Variants in C5 observed in about 807,000 individuals in gnomAD.
The protein encoded by C5 is complement C5.
A neutral mutation model predicts 218.8 loss-of-function variants in C5; 140 were observed. That is an observed-to-expected ratio of 0.64 (90% CI 0.56 to 0.74). C5 has a LOEUF of 0.74. Ranked by LOEUF, C5 falls within the 30% of genes least tolerant of loss-of-function variation. C5 has a pLI of 0.00. For missense variants in C5, 1,700 were observed against 1,969.6 expected (o/e 0.86, Z 2.59); for synonymous variants, 614 against 682.3 (o/e 0.90, Z 1.56).
intron 22 of C5, among the ~76,000 whole-genome samples, chr9:120,995,978 C>G (rs943047664): frequency 1.3e-5 from 2 of 151,942 alleles, no homozygotes; most frequent in African/African-American, 4.8e-5. Context: ...ACCACCATGC[C>G]CAGCTAATTT....
In C5 at chr9:120,997,690, A is replaced by G; in HGVS notation, c.2647T>C (p.Cys883Arg). The G allele has an allele frequency of 6.2e-7, 1 of 1,614,234 alleles. No homozygotes were observed. Among genetic ancestry groups the G allele is most frequent in the Non-Finnish European group, 8.5e-7 (1 of 1,180,038 alleles). The change falls in exon 21 of 41, where the codon TGT (cysteine) becomes CGT (arginine). Residue 883 changes from cysteine to arginine, a missense_variant. Transcript: ENST00000223642. ...GAGCCCTCTACTTTCTGGCGCACAC[A>G]TTTGGAGGACTTTGTGCCCTGATGA... The part of the protein sequence containing the change: ...IDHQGTKSSK[C>R]VRQKVEGSSS...
In C5 at chr9:121,016,402, T is replaced by G. The variant is rs756539050; in HGVS notation, c.1867-19A>C. ...GAAATACCTGTCCAGAAAGGCAAAA[T>G]GTTGAGCACATTGAGATGTATAAAT... is the stretch of plus-strand genomic sequence containing the variant. On this transcript the variant is annotated intron_variant, in intron 14 of 40. Coordinates refer to ENST00000223642, the MANE Select transcript of C5 (RefSeq NM_001735.3). The G allele has an allele frequency of 6.2e-7, 1 of 1,613,782 alleles. No individual in the cohort carries two copies.
chr9:121,009,425 G>C (rs996220540), intron 17 of C5, among the ~76,000 whole-genome samples: 6 of 152,236 alleles, frequency 3.9e-5, no homozygotes, highest in Admixed American at 3.9e-4. Context: ...TGATGATTTT[G>C]AAGACTTGTG....
intron 38 of C5, among the ~76,000 whole-genome samples, chr9:120,959,515 C>T (rs2046811019): frequency 1.3e-5 from 2 of 152,128 alleles, no homozygotes; most frequent in Admixed American, 6.5e-5. Context: ...CCCACCTCGG[C>T]CTCCCAAAGT....
At chr9:120,971,897 TA>T in intron 31 of C5, 32 bp downstream of exon 31, 1 of 1,523,712 alleles carries the variant, frequency 6.6e-7, no homozygotes, top group Non-Finnish European at 9.1e-7. Context: ...AATGGACACA[TA>T]ACTCGTTATT....
the C5 span, among the ~76,000 whole-genome samples, chr9:121,071,408 G>A: frequency 1.3e-5 from 2 of 151,856 alleles, no homozygotes; most frequent in Non-Finnish European, 2.9e-5. Flanking sequence ...AATCAGGCTG[G>A]GCATGCTGGC....
At chr9:121,038,467 A>G (rs943558285) in intron 3 of C5, among the ~76,000 whole-genome samples, 1 of 152,214 alleles carries the variant, frequency 6.6e-6, no homozygotes, top group African/African-American at 2.4e-5. Context: ...TTTGGATTAT[A>G]TGGTTTTGTT....
At chr9:121,064,335 A>G in the C5 span, among the ~76,000 whole-genome samples, 1 of 152,180 alleles carries the variant, frequency 6.6e-6, no homozygotes, top group Non-Finnish European at 1.5e-5. Context: ...AATACTTGTT[A>G]TAGCTCCAGA....
chr9:120,992,906 T>C (rs1201143177), intron 22 of C5, among the ~76,000 whole-genome samples: 2 of 152,162 alleles, frequency 1.3e-5, no homozygotes, highest in Admixed American at 6.5e-5. Context: ...TTCAAACCCA[T>C]GAAGGCTTGT....
chr9:121,007,768 T>C (rs2047227735), intron 18 of C5, among the ~76,000 whole-genome samples: 1 of 152,210 alleles, frequency 6.6e-6, no homozygotes, highest in Non-Finnish European at 1.5e-5. Context: ...TGGGGAGCAG[T>C]GGCCAGAAGG....
intron 20 of C5, chr9:120,999,558 C>T: frequency 1.0e-5 from 2 of 198,968 alleles, no homozygotes; most frequent in South Asian, 7.4e-5. Flanking sequence ...TAGCATCCAG[C>T]TAAGGCTAAA....
At chr9:120,959,834 A>G (rs1256445247) in intron 38 of C5, among the ~76,000 whole-genome samples, 2 of 152,188 alleles carry the variant, frequency 1.3e-5, no homozygotes, top group African/African-American at 4.8e-5. Flanking sequence ...TTTGGTATTT[A>G]TATTTTTACC....
chr9:120,970,117 T>A, intron 32 of C5, 53 bp downstream of exon 32: 1 of 1,220,086 alleles, frequency 8.2e-7, no homozygotes, highest in Non-Finnish European at 1.2e-6. Flanking sequence ...TCTCTATTTA[T>A]ACACATGCTT....
At chr9:121,070,728 T>C in the C5 span, among the ~76,000 whole-genome samples, 2 of 151,358 alleles carry the variant, frequency 1.3e-5, no homozygotes, top group Non-Finnish European at 2.9e-5. Flanking sequence ...TTGGGAAGGG[T>C]AGCAGGGGGA....
At chr9:120,988,768 C>T (rs2047053348) in intron 25 of C5, among the ~76,000 whole-genome samples, 1 of 152,042 alleles carries the variant, frequency 6.6e-6, no homozygotes, top group Admixed American at 6.6e-5. Flanking sequence ...AAGGGCTGAA[C>T]CCAGAAGACT....
intron 8 of C5, among the ~76,000 whole-genome samples, chr9:121,026,667 T>G (rs1046308044): frequency 1.3e-5 from 2 of 152,030 alleles, no homozygotes; most frequent in African/African-American, 4.8e-5. Flanking sequence ...AAATCACCCC[T>G]AGTTGAGAAC....
the C5 span, among the ~76,000 whole-genome samples, chr9:121,061,005 C>A: frequency 2.0e-5 from 3 of 152,018 alleles, no homozygotes; most frequent in Admixed American, 2.0e-4. Context: ...CTGGCCAACA[C>A]GGTAAAACCT....
intron 20 of C5, among the ~76,000 whole-genome samples, 158 bp downstream of exon 20, chr9:121,005,761 T>C (rs1034489321): frequency 1.3e-5 from 2 of 152,220 alleles, no homozygotes; most frequent in Non-Finnish European, 2.9e-5. Context: ...TTAATTCACA[T>C]CCCTACACAT....
rs770676190 is a variant in C5, at chr9:120,989,033, ATCT to A, written c.3230+10_3230+12del. ...CCACTATATGAAAATGCAACTCAAA[ATCT>A]TCTACTTACCAAGTGCTAGCACTTC... On this transcript the variant is annotated intron_variant, in intron 25 of 40. Coordinates refer to ENST00000223642, the MANE Select transcript of C5 (RefSeq NM_001735.3). 9 of 1,595,242 alleles carry A rather than the reference ATCT, an allele frequency of 5.6e-6. No individual in the cohort carries two copies. In the Admixed American group the frequency reaches 1.3e-4, roughly 24 times the overall value.
Sources: gnomAD v4.1 joint callset for allele counts (sites outside exome capture counted in the v4.1 genomes callset) on GRCh38, gnomAD v4.1.1 for gene constraint, MANE v1.5 for transcripts, NCBI Gene and HGNC (gene_info 2026-07-23, HGNC 2026-07-21) for gene names.